Variants in ACVR2A observed in about 807,000 individuals in gnomAD.
The protein encoded by ACVR2A is activin A receptor type 2A.
A neutral mutation model predicts 61.4 loss-of-function variants in ACVR2A; 7 were observed. The ratio of observed to expected loss-of-function variants is 0.11; its 90% CI spans 0.06 to 0.21. The LOEUF (loss-of-function observed/expected upper bound fraction) is 0.21. Ranked by LOEUF, ACVR2A falls within the 10% of genes least tolerant of loss-of-function variation. ACVR2A has a pLI of 1.00. For synonymous variants in ACVR2A, 193 were observed against 208.3 expected, an observed-to-expected ratio of 0.93 and a Z score of 0.63; for missense variants, 322 against 621.7, an observed-to-expected ratio of 0.52 and a Z score of 5.13.
At position 147,927,427 on chromosome 2, in the gene ACVR2A, TG is replaced by T; in HGVS notation, c.*156del. ...GACCCTTTGTTGAAAAATGTTGCTC[TG>T]GGAGACTTACTGCATTGCCGACAGC... is the stretch of plus-strand genomic sequence containing the variant. On this transcript the variant is annotated 3_prime_UTR_variant, in exon 11 of 11. Transcript: ENST00000241416. The T allele has an allele frequency of 1.4e-6, 1 of 736,826 alleles. No individual in the cohort carries two copies. The allele number at this position is 736,826 out of a possible 1,614,324, so 45.6% of individuals were successfully genotyped here. A position where few individuals can be genotyped will look rare whatever the true frequency, so the allele number is the denominator to read the frequency against.
chr2:147,907,723 C>G (rs957623088), intron 4 of ACVR2A, among the ~76,000 whole-genome samples: 1 of 151,944 alleles, frequency 6.6e-6, no homozygotes, highest in Admixed American at 6.6e-5. Flanking sequence ...TAAGTGGAGT[C>G]CATAAAAAAA....
intron 1 of ACVR2A, among the ~76,000 whole-genome samples, chr2:147,851,133 T>C (rs759345279): frequency 5.9e-5 from 9 of 152,164 alleles, no homozygotes; most frequent in Admixed American, 1.3e-4. Flanking sequence ...AGTGATCTTA[T>C]TAAAAAATAA....
At chr2:147,899,052 T>G (rs1686812628) in intron 2 of ACVR2A, among the ~76,000 whole-genome samples, 1 of 152,166 alleles carries the variant, frequency 6.6e-6, no homozygotes, top group African/African-American at 2.4e-5. Context: ...TATATAGTTT[T>G]CAGTTTTTGT....
rs1318556202 is a variant in ACVR2A, at chr2:147,917,284, A to G, written c.674A>G (p.Asp225Gly). ...YVAVKIFPIQ[D>G]KQSWQNEYEV... ...ACTATTCTTTCTTTTTGACTCTAGG[A>G]CAAACAGTCATGGCAAAATGAATAC... The change falls in exon 6 of 11, where the codon GAC becomes GGC. Residue 225 changes from aspartate to glycine, a missense_variant and splice_region_variant. Asp to Gly is a moderately conservative substitution (Grantham distance 94, BLOSUM62 -1). This residue lies in a region of ACVR2A where 146 missense variants were observed against 383.8 expected (regional missense o/e 0.38). Coordinates refer to ENST00000241416, the MANE Select transcript of ACVR2A (RefSeq NM_001616.5). 9.9e-6 allele frequency: 16 copies of G among 1,611,298 alleles called. No homozygotes were observed. Among genetic ancestry groups the G allele is most frequent in the Non-Finnish European group, 1.4e-5 (16 of 1,178,342 alleles).
At chr2:147,905,801 A>G (rs1686975496) in intron 4 of ACVR2A, among the ~76,000 whole-genome samples, 1 of 152,178 alleles carries the variant, frequency 6.6e-6, no homozygotes, top group Non-Finnish European at 1.5e-5. Context: ...AAATGCTCAG[A>G]CAAGGCCAGT....
intron 1 of ACVR2A, among the ~76,000 whole-genome samples, chr2:147,878,939 G>T (rs1345064929): frequency 1.3e-5 from 2 of 151,960 alleles, no homozygotes; most frequent in African/African-American, 2.4e-5. Flanking sequence ...GGAGGAAAAG[G>T]TAATGGTTAT....
At chr2:147,856,342 C>T (rs963758503) in intron 1 of ACVR2A, among the ~76,000 whole-genome samples, 1 of 152,134 alleles carries the variant, frequency 6.6e-6, no homozygotes, top group Non-Finnish European at 1.5e-5. Flanking sequence ...ATGGTGCCTG[C>T]CTCTTTTCAT....
chr2:147,876,466 T>G (rs1248736748), intron 1 of ACVR2A, among the ~76,000 whole-genome samples: 2 of 152,014 alleles, frequency 1.3e-5, no homozygotes, highest in Non-Finnish European at 2.9e-5. Flanking sequence ...TTGAGGCATA[T>G]GCCTCAAGGT....
intron 1 of ACVR2A, among the ~76,000 whole-genome samples, chr2:147,850,034 G>A (rs970854167): frequency 6.6e-6 from 1 of 152,136 alleles, no homozygotes; most frequent in Non-Finnish European, 1.5e-5. Flanking sequence ...TTGCCATGTT[G>A]TCTCAGATTA....
intron 1 of ACVR2A, among the ~76,000 whole-genome samples, chr2:147,873,080 G>A (rs1686063470): frequency 6.6e-6 from 1 of 151,898 alleles, no homozygotes. Context: ...TTTTTTAATT[G>A]GATGAACTAG....
At chr2:147,896,793 T>C (rs1686744104) in intron 2 of ACVR2A, 4 of 258,274 alleles carry the variant, frequency 1.5e-5, no homozygotes, top group Non-Finnish European at 3.0e-5. Context: ...TTATAAACTT[T>C]TAAAATGCCA....
chr2:147,863,509 T>A (rs1685776934), intron 1 of ACVR2A, among the ~76,000 whole-genome samples: 1 of 152,192 alleles, frequency 6.6e-6, no homozygotes, highest in Non-Finnish European at 1.5e-5. Context: ...ACATAAACAG[T>A]TGATTAACGC....
At chr2:147,898,214 A>T (rs1240735645) in intron 2 of ACVR2A, 2 of 152,202 alleles carry the variant, frequency 1.3e-5, no homozygotes, top group East Asian at 3.9e-4. Context: ...TTGTTTTTAT[A>T]CTCTAAATTT....
At chr2:147,925,966 G>T in intron 9 of ACVR2A, 65 bp from the exon 10 acceptor site, 1 of 1,525,384 alleles carries the variant, frequency 6.6e-7, no homozygotes, top group South Asian at 1.2e-5. Flanking sequence ...TAGAAAGTTT[G>T]TACCAGTTTG....
rs771297212 is a variant in ACVR2A at position 147,899,577 on chromosome 2, C to T, written c.373+10C>T. On this transcript the variant is annotated intron_variant, in intron 3 of 10. Coordinates refer to ENST00000241416, the MANE Select transcript of ACVR2A (RefSeq NM_001616.5). ...ATGGAAGTCACACAGCGTAAGTTCACAGGGAAAATACGTAGGTTTGCTCAA... is the reference window on the plus strand; with the variant it reads ...ATGGAAGTCACACAGCGTAAGTTCATAGGGAAAATACGTAGGTTTGCTCAA... 3 of 1,607,980 alleles carry T rather than the reference C, an allele frequency of 1.9e-6. No individual in the cohort carries two copies. Among genetic ancestry groups the T allele is most frequent in the South Asian group, 2.2e-5 (2 of 90,472 alleles).
intron 1 of ACVR2A, among the ~76,000 whole-genome samples, chr2:147,894,312 T>G (rs574815899): frequency 6.6e-6 from 1 of 152,294 alleles, no homozygotes; most frequent in South Asian, 2.1e-4. Flanking sequence ...GAATTCTCCT[T>G]TGTACTTCTT....
intron 1 of ACVR2A, among the ~76,000 whole-genome samples, chr2:147,864,883 G>A (rs1471322325): frequency 4.6e-5 from 7 of 152,076 alleles, no homozygotes; most frequent in African/African-American, 4.8e-5. Context: ...GTTTTTAATT[G>A]TCTAAGAAAA....
intron 1 of ACVR2A, among the ~76,000 whole-genome samples, chr2:147,891,924 G>A (rs902253518): frequency 1.7e-4 from 26 of 152,066 alleles, no homozygotes; most frequent in Non-Finnish European, 1.5e-4. Context: ...CCTATTGTTT[G>A]CATACAGATA....
At chr2:147,856,300 G>A (rs1052769934) in intron 1 of ACVR2A, among the ~76,000 whole-genome samples, 1 of 152,148 alleles carries the variant, frequency 6.6e-6, no homozygotes, top group African/African-American at 2.4e-5. Context: ...AACCAGAAGA[G>A]ATGTTAAACT....
Sources: gnomAD v4.1 joint callset for allele counts (sites outside exome capture counted in the v4.1 genomes callset) on GRCh38, gnomAD v4.1.1 for gene constraint, gnomAD v4.1.1 regional missense constraint, MANE v1.5 for transcripts, NCBI Gene and HGNC (gene_info 2026-07-23, HGNC 2026-07-21) for gene names.